The following PHLPP1 variants were observed in gnomAD, a reference collection of about 807,000 sequenced individuals.
PHLPP1 encodes PH domain and leucine rich repeat protein phosphatase 1, also known as PH domain leucine-rich repeat-containing protein phosphatase 1.
PHLPP1 carries 42 observed loss-of-function variants against 117.2 expected under a neutral mutation model. The ratio of observed to expected loss-of-function variants is 0.36; its 90% CI spans 0.28 to 0.46. PHLPP1 has a LOEUF of 0.46. Among genes scored for constraint, PHLPP1 ranks in the 20% least tolerant of loss-of-function variants. The pLI, the probability that PHLPP1 is intolerant of heterozygous loss-of-function variation, is 1.00. For missense variants in PHLPP1, 2,084 were observed against 2,241.9 expected (o/e 0.93, Z 1.42); for synonymous variants, 1,042 against 970.7 (o/e 1.07, Z -1.37).
chr18:62,741,851 A>G (rs1000191890), intron 1 of PHLPP1, among the ~76,000 whole-genome samples: 1 of 151,556 alleles, frequency 6.6e-6, no homozygotes, highest in Non-Finnish European at 1.5e-5. Flanking sequence ...AAGTTTAAGG[A>G]CTTAGAGGGA....
At chr18:62,901,929 A>G (rs931090663) in intron 6 of PHLPP1, among the ~76,000 whole-genome samples, 6 of 152,120 alleles carry the variant, frequency 3.9e-5, no homozygotes, top group East Asian at 1.9e-4. Flanking sequence ...CACCCATCCT[A>G]TATTAATACT....
At chr18:62,875,050 G>A (rs535537112) in intron 4 of PHLPP1, among the ~76,000 whole-genome samples, 1 of 152,286 alleles carries the variant, frequency 6.6e-6, no homozygotes, top group Admixed American at 6.5e-5. Flanking sequence ...CGCCTCCCGG[G>A]TTCAAGCGAT....
intron 1 of PHLPP1, among the ~76,000 whole-genome samples, chr18:62,732,893 C>G (rs1435804849): frequency 6.6e-6 from 1 of 152,142 alleles, no homozygotes; most frequent in Non-Finnish European, 1.5e-5. Flanking sequence ...GAAGTGGAGC[C>G]TGGAGATGAG....
chr18:62,822,275 TTTTTG>T (rs1914484665), intron 1 of PHLPP1, among the ~76,000 whole-genome samples: 2 of 137,292 alleles, frequency 1.5e-5, no homozygotes, highest in African/African-American at 2.6e-5. Flanking sequence ...GTTTTTTTTT[TTTTTG>T]TTTTTGTTTT....
At chr18:62,755,254 A>C (rs975884782) in intron 1 of PHLPP1, among the ~76,000 whole-genome samples, 3 of 152,210 alleles carry the variant, frequency 2.0e-5, no homozygotes, top group Non-Finnish European at 4.4e-5. Flanking sequence ...CCGGACGTCC[A>C]AAACCTGATC....
At chr18:62,772,830 CA>C (rs59776161) in intron 1 of PHLPP1, among the ~76,000 whole-genome samples, 4,142 of 61,050 alleles carry the variant, frequency 0.068, 76 homozygotes, top group Non-Finnish European at 0.091. Flanking sequence ...GACTCTTTCT[CA>C]AAAAAAAAAA....
chr18:62,953,927 G>T (rs1376135671), intron 12 of PHLPP1, among the ~76,000 whole-genome samples: 2 of 152,214 alleles, frequency 1.3e-5, no homozygotes, highest in African/African-American at 4.8e-5. Flanking sequence ...TTTCAGGGCA[G>T]TACAGGCAGC....
chr18:62,806,385 T>A (rs1379792899), intron 1 of PHLPP1, among the ~76,000 whole-genome samples: 1 of 152,230 alleles, frequency 6.6e-6, no homozygotes, highest in Non-Finnish European at 1.5e-5. Context: ...TAGTGATTTA[T>A]GCTTGTTCTT....
At chr18:62,838,703 T>G (rs943030940) in intron 2 of PHLPP1, 81 bp from the exon 3 acceptor site, 1 of 1,411,952 alleles carries the variant, frequency 7.1e-7, no homozygotes, top group Non-Finnish European at 9.9e-7. Flanking sequence ...GCAGGCTCCT[T>G]GATCAGAGGC....
intron 1 of PHLPP1, among the ~76,000 whole-genome samples, chr18:62,745,787 G>GA (rs1911657424): frequency 6.6e-6 from 1 of 152,076 alleles, no homozygotes. Flanking sequence ...TGACTGAATT[G>GA]AAAAAAGTTA....
intron 1 of PHLPP1, among the ~76,000 whole-genome samples, chr18:62,766,100 TATAAA>T (rs1335508495): frequency 1.8e-4 from 15 of 81,618 alleles, no homozygotes; most frequent in East Asian, 7.6e-4. Context: ...TATATATATA[TATAAA>T]ATATATATAT....
At chr18:62,768,661 G>A (rs906563251) in intron 1 of PHLPP1, among the ~76,000 whole-genome samples, 9 of 152,094 alleles carry the variant, frequency 5.9e-5, no homozygotes, top group South Asian at 2.1e-4. Context: ...GCTTAGTTAC[G>A]TGGTTATATT....
rs371242610 is a variant in PHLPP1, at chr18:62,914,981, A to G, written c.2777A>G (p.His926Arg). ...AAGCTAGAAGTTTTGGATATTGGCCATAATCAAATATGTGAACTTCCTGCC... is the reference window on the plus strand; with the variant it reads ...AAGCTAGAAGTTTTGGATATTGGCCGTAATCAAATATGTGAACTTCCTGCC... ...SRKLEVLDIG[H>R]NQICELPARL... Residue 926 changes from histidine (H) to arginine (R), a missense_variant, in exon 9 of 17, where the codon CAT (histidine) becomes CGT (arginine). Transcript: ENST00000262719. 2 of 1,613,336 alleles carry G rather than the reference A, an allele frequency of 1.2e-6. No homozygotes were observed. The highest frequency in any genetic ancestry group is 1.7e-6 in the Non-Finnish European group (2 of 1,179,472).
intron 1 of PHLPP1, among the ~76,000 whole-genome samples, chr18:62,815,236 C>T (rs573970692): frequency 6.6e-6 from 1 of 150,936 alleles, no homozygotes; most frequent in South Asian, 2.1e-4. Context: ...CTGCTCACTG[C>T]AAGCTCTGCC....
In PHLPP1 at chr18:62,941,738, C is replaced by G; in HGVS notation, c.2981C>G (p.Ser994Cys). ...KADSLRFLNA[S>C]ANKLESLPPA... Reference sequence around the variant, plus strand: ...TGTAGCCTGAGATTCCTGAACGCCTCTGCGAACAAACTGGAAAGCCTTCCT... The same window carrying G: ...TGTAGCCTGAGATTCCTGAACGCCTGTGCGAACAAACTGGAAAGCCTTCCT... The change falls in exon 11 of 17, where the codon TCT becomes TGT. Residue 994 changes from serine (S) to cysteine (C), a missense_variant. Ser to Cys is a moderately radical substitution (Grantham distance 112, BLOSUM62 -1). Coordinates refer to ENST00000262719, the MANE Select transcript of PHLPP1 (RefSeq NM_194449.4). 6.2e-7 allele frequency: 1 copy of G among 1,613,372 alleles called. No individual in the cohort carries two copies. Among genetic ancestry groups the G allele is most frequent in the Non-Finnish European group, 8.5e-7 (1 of 1,179,496 alleles).
chr18:62,962,036 A>G (rs184526232), intron 13 of PHLPP1, among the ~76,000 whole-genome samples: 51 of 152,314 alleles, frequency 3.3e-4, no homozygotes, highest in African/African-American at 1.2e-3. Flanking sequence ...GATAATTTTA[A>G]TTCTTGTGGT....
chr18:62,734,734 C>T (rs1199055033), intron 1 of PHLPP1, among the ~76,000 whole-genome samples: 1 of 152,174 alleles, frequency 6.6e-6, no homozygotes, highest in Admixed American at 6.6e-5. Context: ...GGGTATTTTC[C>T]ACCATCTATT....
intron 12 of PHLPP1, among the ~76,000 whole-genome samples, chr18:62,957,199 A>G (rs181931182): frequency 3.1e-3 from 468 of 152,292 alleles, no homozygotes; most frequent in Non-Finnish European, 5.3e-3. Context: ...TCTCTTGTGT[A>G]TGCTGAGCCT....
Position 62,715,649 on chromosome 18 carries a change from C to G in PHLPP1, c.-35C>G, listed in dbSNP as rs1432570417. The G allele has an allele frequency of 1.6e-6, 2 of 1,259,380 alleles. No individual in the cohort carries two copies. Among genetic ancestry groups the G allele is most frequent in the Non-Finnish European group, 2.0e-6 (2 of 1,003,268 alleles). 78.0% of individuals were successfully genotyped at this position (1,259,380 alleles called of 1,614,324 possible). A position where few individuals can be genotyped will look rare whatever the true frequency, so the allele number is the denominator to read the frequency against. ...TCGCCTCCCTCTCCGCCCGCTGCCT[C>G]CGGAGCTGGGGGGGAAACGCGAAGC... is the stretch of plus-strand genomic sequence containing the variant. On this transcript the variant is annotated 5_prime_UTR_variant, in exon 1 of 17. Transcript: ENST00000262719.
Sources: gnomAD v4.1 joint callset for allele counts (sites outside exome capture counted in the v4.1 genomes callset) on GRCh38, gnomAD v4.1.1 for gene constraint, MANE v1.5 for transcripts, NCBI Gene and HGNC (gene_info 2026-07-23, HGNC 2026-07-21) for gene names.